RXFP1: variants seen among roughly 807,000 people sequenced by gnomAD.
The protein encoded by RXFP1 is relaxin family peptide receptor 1, also known as relaxin receptor 1.
Under a neutral mutation model 89.8 loss-of-function variants are expected in RXFP1, and 73 were observed. The ratio of observed to expected loss-of-function variants is 0.81; its 90% confidence interval spans 0.67 to 0.99. The LOEUF is 0.99. Ranked by LOEUF, RXFP1 falls within the 50% of genes least tolerant of loss-of-function variation. RXFP1 has a pLI of 0.00. For missense variants in RXFP1, 793 were observed against 895.5 expected, an observed-to-expected ratio of 0.89 and a Z score of 1.46; for synonymous variants, 277 against 305.5, an observed-to-expected ratio of 0.91 and a Z score of 0.97.
chr4:158,621,915 G>A (rs1354737616), intron 9 of RXFP1, among the ~76,000 whole-genome samples: 3 of 152,210 alleles, frequency 2.0e-5, no homozygotes, highest in Non-Finnish European at 2.9e-5. Context: ...AAGAGATGAC[G>A]AGTGTTGACA....
intron 1 of RXFP1, among the ~76,000 whole-genome samples, chr4:158,553,265 G>A (rs1371884470): frequency 6.6e-6 from 1 of 152,100 alleles, no homozygotes; most frequent in African/African-American, 2.4e-5. Context: ...GATAAGAAAT[G>A]GCGATATAAG....
chr4:158,627,833 G>A (rs1157878112), intron 10 of RXFP1, among the ~76,000 whole-genome samples: 1 of 152,042 alleles, frequency 6.6e-6, no homozygotes, highest in African/African-American at 2.4e-5. Flanking sequence ...GCACCTGAAG[G>A]ACACAGAACA....
chr4:158,635,615 C>A (rs954372901), intron 12 of RXFP1, among the ~76,000 whole-genome samples: 3 of 152,056 alleles, frequency 2.0e-5, no homozygotes, highest in Non-Finnish European at 4.4e-5. Flanking sequence ...TAAGGGAAAG[C>A]TTTTGGTCTT....
chr4:158,611,997 A>AT, intron 6 of RXFP1, 133 bp from the exon 7 acceptor site: 1 of 667,518 alleles, frequency 1.5e-6, no homozygotes, highest in East Asian at 2.7e-5. Flanking sequence ...ATTCTTAGAG[A>AT]TTCAAAGGCA....
At chr4:158,527,564 A>AAAAAATATATATATATATATATATATAT (rs5741905) in intron 1 of RXFP1, among the ~76,000 whole-genome samples, 1 of 98,334 alleles carries the variant, frequency 1.0e-5, no homozygotes, top group African/African-American at 3.5e-5. Flanking sequence ...AAAAAAAAAA[A>AAAAAATATATATATATATATATATATAT]ATATATATAT....
chr4:158,616,385 C>T (rs1764569981), intron 8 of RXFP1, among the ~76,000 whole-genome samples: 1 of 151,932 alleles, frequency 6.6e-6, no homozygotes, highest in African/African-American at 2.4e-5. Flanking sequence ...GCCAAGATTG[C>T]ACCACTGCAC....
chr4:158,643,218 G>C (rs1442844600), intron 14 of RXFP1, among the ~76,000 whole-genome samples: 1 of 152,102 alleles, frequency 6.6e-6, no homozygotes, highest in Non-Finnish European at 1.5e-5. Context: ...CAAGCTTCTA[G>C]CTTGCTTTTC....
intron 4 of RXFP1, among the ~76,000 whole-genome samples, chr4:158,604,384 A>G (rs1762212152): frequency 6.6e-6 from 1 of 152,122 alleles, no homozygotes; most frequent in Non-Finnish European, 1.5e-5. Context: ...CCCCAGCTAC[A>G]CTGGTTTTGG....
At chr4:158,523,729 G>A (rs545496534) in intron 1 of RXFP1, among the ~76,000 whole-genome samples, 58 of 152,256 alleles carry the variant, frequency 3.8e-4, no homozygotes, top group Middle Eastern at 3.4e-3. Context: ...TGTCAGGGAC[G>A]CCCTGAAATA....
At chr4:158,582,596 G>A (rs980626733) in intron 2 of RXFP1, among the ~76,000 whole-genome samples, 3 of 152,198 alleles carry the variant, frequency 2.0e-5, no homozygotes, top group African/African-American at 7.2e-5. Context: ...GAGCCAGGCT[G>A]AGCCCAGGAG....
At chr4:158,633,522 T>C (rs748418292) in intron 12 of RXFP1, 46 bp downstream of exon 12, 1 of 1,228,582 alleles carries the variant, frequency 8.1e-7, no homozygotes. Flanking sequence ...TATTTTATTA[T>C]TTTTTAAATT....
chr4:158,571,554 C>T (rs1406345512), intron 1 of RXFP1, among the ~76,000 whole-genome samples: 1 of 151,992 alleles, frequency 6.6e-6, no homozygotes, highest in Non-Finnish European at 1.5e-5. Flanking sequence ...CTCAGCTACT[C>T]AGGAGGCTGA....
intron 14 of RXFP1, among the ~76,000 whole-genome samples, chr4:158,639,821 C>A (rs915379984): frequency 1.3e-5 from 2 of 152,068 alleles, no homozygotes; most frequent in African/African-American, 4.8e-5. Context: ...GATGGTGCCA[C>A]TGCACTCCAG....
intron 2 of RXFP1, among the ~76,000 whole-genome samples, chr4:158,591,150 CAT>C (rs1045400738): frequency 1.1e-4 from 16 of 152,140 alleles, no homozygotes; most frequent in Non-Finnish European, 1.2e-4. Context: ...GTCTGGAAAA[CAT>C]ATATTTAAGT....
Position 158,652,075 on chromosome 4 carries a change from C to A in RXFP1, c.*20C>A, listed in dbSNP as rs760900692. On this transcript the variant is annotated 3_prime_UTR_variant, in exon 18 of 18. Coordinates refer to ENST00000307765, the MANE Select transcript of RXFP1 (RefSeq NM_021634.4). ...TCATGACTGACTCTGAAATTCATTT[C>A]TTCGCAGAGAATACTGTGGGGGTGC... 5.0e-6 allele frequency: 8 copies of A among 1,587,332 alleles called. No homozygotes were observed. Among genetic ancestry groups the A allele is most frequent in the South Asian group, 3.4e-5 (3 of 86,976 alleles).
At chr4:158,546,663 G>A (rs184717469) in intron 1 of RXFP1, among the ~76,000 whole-genome samples, 1 of 152,116 alleles carries the variant, frequency 6.6e-6, no homozygotes, top group African/African-American at 2.4e-5. Flanking sequence ...AGCATGAAGG[G>A]TTGTTGAATT....
At chr4:158,550,229 G>A (rs1406757270) in intron 1 of RXFP1, among the ~76,000 whole-genome samples, 4 of 152,228 alleles carry the variant, frequency 2.6e-5, no homozygotes, top group Non-Finnish European at 4.4e-5. Flanking sequence ...GCGAGACTCC[G>A]TGGGCATAGG....
chr4:158,605,083 C>T lies in RXFP1; in HGVS notation c.408C>T (p.Asn136=). The change falls in exon 5 of 18, where the codon AAC becomes AAT. Residue 136 remains asparagine (N), a synonymous_variant. Transcript: ENST00000307765. ...SNVTAMSLQW[N]LIRKLPPDCF... ...TTTATTTCAGGTCACTTCAGTGGAA[C>T]TTAATAAGAAAGCTTCCTCCTGATT... 2.5e-6 allele frequency: 4 copies of T among 1,583,888 alleles called. No homozygotes were observed. Among genetic ancestry groups the T allele is most frequent in the Middle Eastern group, 1.7e-4 (1 of 5,944 alleles).
intron 1 of RXFP1, among the ~76,000 whole-genome samples, chr4:158,561,483 T>C (rs1752413444): frequency 6.6e-6 from 1 of 152,180 alleles, no homozygotes; most frequent in South Asian, 2.1e-4. Flanking sequence ...AAATTTTGTG[T>C]TTAGATTTGG....
Sources: allele counts gnomAD v4.1 joint callset (sites outside exome capture counted in the v4.1 genomes callset), GRCh38; gene constraint gnomAD v4.1.1; transcripts MANE v1.5; gene names NCBI Gene and HGNC (gene_info 2026-07-23, HGNC 2026-07-21).